The following PAICS variants were observed in gnomAD, a reference collection of about 807,000 sequenced individuals.
PAICS encodes the protein bifunctional phosphoribosylaminoimidazole carboxylase/phosphoribosylaminoimidazole succinocarboxamide synthetase.
In PAICS, 33 loss-of-function variants were observed where a neutral mutation model predicts 53.7. That is an observed-to-expected ratio of 0.61 (90% CI 0.47 to 0.82). PAICS has a LOEUF of 0.82. PAICS is among the 40% of genes least tolerant of loss of function. PAICS has a pLI of 0.00. For synonymous variants in PAICS, 141 were observed against 167.2 expected (o/e 0.84, Z 1.21); for missense variants, 394 against 494.1 (o/e 0.80, Z 1.92).
chr4:56,455,362 T>C (rs1719141403), intron 8 of PAICS, among the ~76,000 whole-genome samples: 1 of 152,222 alleles, frequency 6.6e-6, no homozygotes, highest in Non-Finnish European at 1.5e-5. Context: ...ATATCCAGTC[T>C]TGATATGTGT....
chr4:56,410,754 G>C, the PAICS span: 1 of 987,042 alleles, frequency 1.0e-6, no homozygotes, highest in East Asian at 1.1e-4. Flanking sequence ...CATAACTCTG[G>C]AGACAGCTCT....
chr4:56,462,456 G>C lies in PAICS; in HGVS notation c.*2918G>C, dbSNP rs1486601392. On this transcript the variant is annotated 3_prime_UTR_variant, in exon 9 of 9. Transcript: ENST00000512576. ...GGTTCTCTGGCTGTTGTGTGGACAA[G>C]AGGAGAAGCAGAGATTAGTTAAGAG... The C allele has an allele frequency of 6.6e-6, 1 of 152,226 alleles. No individual in the cohort carries two copies. The highest frequency in any genetic ancestry group is 1.9e-4 in the East Asian group (1 of 5,200). The allele number at this position is 152,226 out of a possible 1,614,324, so 9.4% of individuals were successfully genotyped here. A position where few individuals can be genotyped will look rare whatever the true frequency, so the allele number is the denominator to read the frequency against.
At chr4:56,413,299 G>T in the PAICS span, among the ~76,000 whole-genome samples, 30 of 152,088 alleles carry the variant, frequency 2.0e-4, no homozygotes, top group African/African-American at 7.2e-4. Flanking sequence ...GATTAGAGGC[G>T]CAACGCCACC....
At chr4:56,458,832 T>C (rs947093295) in intron 8 of PAICS, among the ~76,000 whole-genome samples, 1 of 152,338 alleles carries the variant, frequency 6.6e-6, no homozygotes, top group Admixed American at 6.5e-5. Context: ...ACTTTTTTAT[T>C]CTGCTGTCTT....
intron 1 of PAICS, among the ~76,000 whole-genome samples, chr4:56,438,414 T>G (rs929889779): frequency 7.7e-6 from 1 of 130,040 alleles, no homozygotes; most frequent in Non-Finnish European, 1.7e-5. Context: ...AAAGGTTTTT[T>G]TTGTTGTTGT....
chr4:56,448,126 G>T (rs1270705844), intron 3 of PAICS, among the ~76,000 whole-genome samples: 1 of 149,274 alleles, frequency 6.7e-6, no homozygotes, highest in Non-Finnish European at 1.5e-5. Context: ...TCCTGCCTCA[G>T]CCTCCCAAGT....
upstream of PAICS, chr4:56,435,717 G>A: frequency 6.8e-7 from 1 of 1,469,184 alleles, no homozygotes. Context: ...TCCCGCGGCT[G>A]AGGGGCGGGG....
At chr4:56,412,304 A>T in the PAICS span, among the ~76,000 whole-genome samples, 1 of 147,306 alleles carries the variant, frequency 6.8e-6, no homozygotes, top group Non-Finnish European at 1.5e-5. Context: ...CTATTCTCCC[A>T]TCACCTTTTT....
In PAICS at chr4:56,451,854, C is replaced by T; in HGVS notation, c.772-18C>T. On this transcript the variant is annotated intron_variant, in intron 6 of 8. Coordinates refer to ENST00000512576, the MANE Select transcript of PAICS (RefSeq NM_001079524.2). ...TTTGTTTTTATGTTCTTTTCATATC[C>T]ACGTATTTTTTCTTCAGTTGCTTTT... The T allele has an allele frequency of 2.7e-6, 4 of 1,486,530 alleles. No individual in the cohort carries two copies. The highest frequency in any genetic ancestry group is 1.4e-5 in the South Asian group (1 of 73,520). The allele number at this position is 1,486,530 out of a possible 1,614,324, so 92.1% of individuals were successfully genotyped here. A position where few individuals can be genotyped will look rare whatever the true frequency, so the allele number is the denominator to read the frequency against.
chr4:56,448,793 A>G lies in PAICS; in HGVS notation c.657A>G (p.Ser219=). The change falls in exon 5 of 9, where the codon TCA becomes TCG. Residue 219 remains serine (S), a synonymous_variant. Transcript: ENST00000512576. ...ATGATTCCTGGAGACTCTGGCCATCAGGAGATCGAAGCCAACAGAAAGACA... is the reference window on the plus strand; with the variant it reads ...ATGATTCCTGGAGACTCTGGCCATCGGGAGATCGAAGCCAACAGAAAGACA... ...IDNDSWRLWP[S]GDRSQQKDKQ... 1.3e-6 allele frequency: 2 copies of G among 1,588,482 alleles called. No individual in the cohort carries two copies. The highest frequency in any genetic ancestry group is 1.7e-6 in the Non-Finnish European group (2 of 1,163,802).
In PAICS at chr4:56,436,319, A is replaced by C; in HGVS notation, c.7A>C (p.Thr3Pro). The change falls in exon 1 of 9, where the codon ACA becomes CCA. Residue 3 changes from threonine (T) to proline (P), a missense_variant. Thr to Pro is a conservative substitution (Grantham distance 38). This residue lies in a region of PAICS where 168 missense variants were observed against 199.3 expected (regional missense o/e 0.84). Coordinates refer to ENST00000512576, the MANE Select transcript of PAICS (RefSeq NM_001079524.2). MA[T>P]AEVLNIGKKL... ...CCTCAGCCCACTTAGGATAATGGCG[A>C]CAGCTGAGGGTGAGTAACAGGGATC... 2 of 1,601,710 alleles carry C rather than the reference A, an allele frequency of 1.2e-6. No individual in the cohort carries two copies. The highest frequency in any genetic ancestry group is 1.7e-6 in the Non-Finnish European group (2 of 1,174,010).
At chr4:56,434,876 C>T (rs987672803), upstream of PAICS, among the ~76,000 whole-genome samples, 5 of 152,238 alleles carry the variant, frequency 3.3e-5, no homozygotes, top group Non-Finnish European at 7.3e-5. Flanking sequence ...TAGCTCTGCC[C>T]TTGCAAACAA....
At chr4:56,423,866 G>A in the PAICS span, among the ~76,000 whole-genome samples, 1 of 152,046 alleles carries the variant, frequency 6.6e-6, no homozygotes, top group African/African-American at 2.4e-5. Flanking sequence ...AAGGATTTTA[G>A]GTACACCTGC....
upstream of PAICS, among the ~76,000 whole-genome samples, chr4:56,434,573 T>G (rs1226549065): frequency 2.6e-5 from 4 of 152,182 alleles, no homozygotes; most frequent in Non-Finnish European, 5.9e-5. Flanking sequence ...TTTTTCAAAA[T>G]CAAGTGTATG....
chr4:56,437,005 A>G (rs1309322466), intron 1 of PAICS, among the ~76,000 whole-genome samples: 1 of 152,190 alleles, frequency 6.6e-6, no homozygotes. Context: ...TCAAAAAAGA[A>G]AAAGAAAAAC....
chr4:56,454,290 A>AG (rs1262826456), intron 8 of PAICS, among the ~76,000 whole-genome samples: 1 of 152,052 alleles, frequency 6.6e-6, no homozygotes, highest in Non-Finnish European at 1.5e-5. Flanking sequence ...CACGTGTGTA[A>AG]ATTTGGGGGA....
chr4:56,463,353 C>T lies in PAICS; in HGVS notation c.*3815C>T, dbSNP rs915105969. On this transcript the variant is annotated 3_prime_UTR_variant, in exon 9 of 9. Transcript: ENST00000512576. ...ACATGAGGCTGGGCGCGGTGGCTCA[C>T]GTCTTATTTCTTCTGCTTGCCTCTG... is the stretch of plus-strand genomic sequence containing the variant. The T allele has an allele frequency of 2.0e-5, 3 of 151,686 alleles. No individual in the cohort carries two copies. Among genetic ancestry groups the T allele is most frequent in the East Asian group, 3.9e-4 (2 of 5,072 alleles). 9.4% of individuals were successfully genotyped at this position (151,686 alleles called of 1,614,324 possible). A position where few individuals can be genotyped will look rare whatever the true frequency, so the allele number is the denominator to read the frequency against.
In PAICS at chr4:56,441,693, GT is replaced by G. The variant is rs1177568987; in HGVS notation, c.48del (p.Thr18GlnfsTer8). On this transcript the variant is annotated frameshift_variant, in exon 2 of 9. Coordinates refer to ENST00000512576, the MANE Select transcript of PAICS (RefSeq NM_001079524.2). LOFTEE classifies it high-confidence loss of function. ...VLNIGKKLYE[G>X]KTKEVYELLD... ...AACATTGGTAAAAAATTATATGAGG[GT>G]AAAACAAAAGAAGTCTACGAATTGT... 1.3e-6 allele frequency: 2 copies of G among 1,591,768 alleles called. No homozygotes were observed. The highest frequency in any genetic ancestry group is 1.7e-6 in the Non-Finnish European group (2 of 1,170,038).
the PAICS span, among the ~76,000 whole-genome samples, chr4:56,429,512 T>G: frequency 6.6e-6 from 1 of 152,140 alleles, no homozygotes; most frequent in African/African-American, 2.4e-5. Flanking sequence ...CAATATAGCA[T>G]GTAGAAGAAA....
Sources: allele counts gnomAD v4.1 joint callset (sites outside exome capture counted in the v4.1 genomes callset), GRCh38; gene constraint gnomAD v4.1.1; regional missense constraint gnomAD v4.1.1; transcripts MANE v1.5; gene names NCBI Gene and HGNC (gene_info 2026-07-23, HGNC 2026-07-21).